Variants in TCF7L2 observed in about 807,000 individuals in gnomAD.
TCF7L2 encodes transcription factor 7 like 2.
TCF7L2 carries 23 observed loss-of-function variants against 77.9 expected under a neutral mutation model. That is an observed-to-expected ratio of 0.30 (90% CI 0.21 to 0.42). TCF7L2 has a LOEUF of 0.42. TCF7L2 is among the 10% of genes least tolerant of loss of function. The pLI, the probability that TCF7L2 is intolerant of heterozygous loss-of-function variation, is 1.00. For synonymous variants in TCF7L2, 413 were observed against 340.2 expected (o/e 1.21, Z -2.36); for missense variants, 654 against 793.1 (o/e 0.82, Z 2.11).
At position 113,150,989 on chromosome 10, in the gene TCF7L2, G is replaced by C. The variant is rs369572555; in HGVS notation, c.876-9G>C. On this transcript the variant is annotated splice_polypyrimidine_tract_variant and intron_variant, in intron 8 of 13. Coordinates refer to ENST00000627217, the MANE Select transcript of TCF7L2 (RefSeq NM_001146274.2). ...ATTCTGACGATTTACACAGCTTTCT[G>C]TCTTCTAGGTTCCCTCCCCATATGG... 2 of 1,612,488 alleles carry C rather than the reference G, an allele frequency of 1.2e-6. No homozygotes were observed. Among genetic ancestry groups the C allele is most frequent in the Admixed American group, 1.7e-5 (1 of 59,828 alleles).
At chr10:113,002,462 C>A (rs970626053) in intron 4 of TCF7L2, among the ~76,000 whole-genome samples, 29 of 152,152 alleles carry the variant, frequency 1.9e-4, no homozygotes, top group African/African-American at 6.5e-4. Context: ...TCCTGCAATG[C>A]CCAGGACAGC....
chr10:113,161,511 G>C, intron 13 of TCF7L2: 1 of 1,506,446 alleles, frequency 6.6e-7, no homozygotes, highest in Non-Finnish European at 8.9e-7. Context: ...ACTAGCTCCT[G>C]TCTCATTTCC....
At chr10:113,161,667 T>G in intron 13 of TCF7L2, 1 of 1,513,140 alleles carries the variant, frequency 6.6e-7, no homozygotes, top group Non-Finnish European at 8.9e-7. Context: ...CACGTGTCCC[T>G]CCCCTTCATG....
At chr10:113,062,413 T>A (rs1412921875) in intron 5 of TCF7L2, among the ~76,000 whole-genome samples, 1 of 152,188 alleles carries the variant, frequency 6.6e-6, no homozygotes, top group Non-Finnish European at 1.5e-5. Context: ...CACATAAGGT[T>A]TCCGTGAAAA....
intron 5 of TCF7L2, among the ~76,000 whole-genome samples, chr10:113,131,181 A>C (rs1592118149): frequency 1.3e-5 from 2 of 152,232 alleles, no homozygotes; most frequent in Non-Finnish European, 2.9e-5. Flanking sequence ...AATAATCTGC[A>C]GTGGTCGATA....
At position 113,100,441 on chromosome 10, in the gene TCF7L2, A is replaced by G. The variant is rs960440934; in HGVS notation, c.553-40743A>G. ...GTTTGCCATTTGATTGACGTCGGAA[A>G]CATGATGTCACTTCTGCAAACACCC... On this transcript the variant is annotated intron_variant, in intron 5 of 13. Coordinates refer to ENST00000627217, the MANE Select transcript of TCF7L2 (RefSeq NM_001146274.2). 2.6e-5 allele frequency among the ~76,000 whole-genome samples: 4 copies of G among 152,136 alleles called. No individual in the cohort carries two copies. In the East Asian group the frequency reaches 7.7e-4, roughly 29 times the overall value.
chr10:113,065,594 TG>T (rs1351466000), intron 5 of TCF7L2, among the ~76,000 whole-genome samples: 2 of 152,172 alleles, frequency 1.3e-5, no homozygotes, highest in African/African-American at 4.8e-5. Flanking sequence ...TCGGGATAAC[TG>T]GGGCTTCTGA....
chr10:112,967,588 T>C (rs777182305), intron 4 of TCF7L2, among the ~76,000 whole-genome samples: 3 of 152,210 alleles, frequency 2.0e-5, no homozygotes, highest in Non-Finnish European at 4.4e-5. Flanking sequence ...GATGGCCACG[T>C]TCTCCCAAAA....
chr10:113,162,017 A>G (rs1188491520), intron 13 of TCF7L2, among the ~76,000 whole-genome samples: 2 of 152,218 alleles, frequency 1.3e-5, no homozygotes, highest in East Asian at 3.9e-4. Flanking sequence ...TCTCTGCACA[A>G]CAGAAAGGAG....
intron 4 of TCF7L2, among the ~76,000 whole-genome samples, chr10:113,037,920 A>G (rs891516255): frequency 2.0e-5 from 3 of 152,220 alleles, no homozygotes; most frequent in Middle Eastern, 3.2e-3. Flanking sequence ...AAATGACTCT[A>G]TTGAGTGGTT....
chr10:113,096,402 C>T (rs138971359), intron 5 of TCF7L2, among the ~76,000 whole-genome samples: 2 of 152,172 alleles, frequency 1.3e-5, no homozygotes, highest in Non-Finnish European at 2.9e-5. Context: ...CTTATTCTTC[C>T]TTATAAGGCC....
chr10:113,086,234 G>A (rs1433993486), intron 5 of TCF7L2, among the ~76,000 whole-genome samples: 2 of 152,208 alleles, frequency 1.3e-5, no homozygotes, highest in East Asian at 3.8e-4. Context: ...TCTGGCTGAG[G>A]TGAGGACTGC....
At chr10:113,023,355 T>C (rs573312575) in intron 4 of TCF7L2, among the ~76,000 whole-genome samples, 15 of 152,330 alleles carry the variant, frequency 9.8e-5, no homozygotes, top group Non-Finnish European at 1.5e-5. Flanking sequence ...CTTCCTCTCA[T>C]TTAGGCATTT....
At chr10:113,108,604 C>A (rs554882469) in intron 5 of TCF7L2, among the ~76,000 whole-genome samples, 1 of 152,242 alleles carries the variant, frequency 6.6e-6, no homozygotes, top group Non-Finnish European at 1.5e-5. Flanking sequence ...CTGAGGAACC[C>A]CCTAGCCTGA....
At chr10:113,067,514 C>T (rs1316588380) in intron 5 of TCF7L2, among the ~76,000 whole-genome samples, 1 of 152,226 alleles carries the variant, frequency 6.6e-6, no homozygotes, top group Non-Finnish European at 1.5e-5. Flanking sequence ...TCCCCTGTTG[C>T]TGAGCTTCTC....
At chr10:113,043,204 A>G (rs2052763802) in intron 5 of TCF7L2, among the ~76,000 whole-genome samples, 1 of 152,236 alleles carries the variant, frequency 6.6e-6, no homozygotes, top group South Asian at 2.1e-4. Flanking sequence ...CAGATTGCTA[A>G]GAAGAATAAC....
At chr10:112,973,791 A>G (rs2038808140) in intron 4 of TCF7L2, among the ~76,000 whole-genome samples, 1 of 152,006 alleles carries the variant, frequency 6.6e-6, no homozygotes, top group Admixed American at 6.6e-5. Context: ...GCGTTTCACC[A>G]TGTTGGCCAG....
rs1223424411 is a variant in TCF7L2, at chr10:112,950,463, T to TTA, written c.-294_-293insTA. The TTA allele has an allele frequency of 1.2e-3, 325 of 272,166 alleles. No homozygotes were observed. The highest frequency in any genetic ancestry group is 2.4e-3 in the Middle Eastern group (2 of 844). 16.9% of individuals were successfully genotyped at this position (272,166 alleles called of 1,614,324 possible). A position where few individuals can be genotyped will look rare whatever the true frequency, so the allele number is the denominator to read the frequency against. On this transcript the variant is annotated 5_prime_UTR_variant, in exon 1 of 14. Coordinates refer to ENST00000627217, the MANE Select transcript of TCF7L2 (RefSeq NM_001146274.2). ...TTGTTGTTGGTGTTTTTTTTTTTTT[T>TTA]ACCCCCCTTTTTTATTTATTATTTT...
At chr10:113,051,656 C>T (rs2054501338) in intron 5 of TCF7L2, among the ~76,000 whole-genome samples, 1 of 152,208 alleles carries the variant, frequency 6.6e-6, no homozygotes, top group African/African-American at 2.4e-5. Context: ...TCATCCCCCA[C>T]AAATGATTTC....
Sources: allele counts gnomAD v4.1 joint callset (sites outside exome capture counted in the v4.1 genomes callset), GRCh38; gene constraint gnomAD v4.1.1; transcripts MANE v1.5; gene names NCBI Gene and HGNC (gene_info 2026-07-23, HGNC 2026-07-21).